The following MAST2 variants were observed in gnomAD, a reference collection of about 807,000 sequenced individuals.
The protein encoded by MAST2 is microtubule associated serine/threonine kinase 2, also known as microtubule-associated serine/threonine-protein kinase 2.
MAST2 carries 70 observed loss-of-function variants against 147.4 expected under a neutral mutation model. The observed-to-expected ratio is 0.47, with a 90% CI of 0.39 to 0.58. MAST2 has a LOEUF of 0.58. Ranked by LOEUF, MAST2 falls within the 20% of genes least tolerant of loss-of-function variation. MAST2 has a pLI of 0.00. For synonymous variants in MAST2, 869 were observed against 896.8 expected, an observed-to-expected ratio of 0.97 and a Z score of 0.55; for missense variants, 2,080 against 2,302.3, an observed-to-expected ratio of 0.90 and a Z score of 1.98.
intron 4 of MAST2, among the ~76,000 whole-genome samples, chr1:45,958,982 A>G (rs550104143): frequency 5.9e-5 from 9 of 152,326 alleles, no homozygotes; most frequent in African/African-American, 2.2e-4. Context: ...TCATAGATTA[A>G]TAGTTTTGGG....
intron 5 of MAST2, 64 bp downstream of exon 5, chr1:45,959,541 C>T: frequency 7.4e-7 from 1 of 1,349,054 alleles, no homozygotes; most frequent in Non-Finnish European, 1.1e-6. Flanking sequence ...AATTTCTTTC[C>T]TACTTCTCAT....
chr1:45,933,734 A>G (rs1054588063), intron 4 of MAST2, among the ~76,000 whole-genome samples: 11 of 152,138 alleles, frequency 7.2e-5, no homozygotes, highest in African/African-American at 2.2e-4. Flanking sequence ...AGCCTGGGCA[A>G]CAAGAGCAAA....
At chr1:45,867,890 G>A (rs1646223381) in intron 3 of MAST2, among the ~76,000 whole-genome samples, 2 of 152,202 alleles carry the variant, frequency 1.3e-5, no homozygotes, top group African/African-American at 4.8e-5. Context: ...GGGTTTCAGA[G>A]TTGGGTAGTC....
intron 5 of MAST2, among the ~76,000 whole-genome samples, chr1:45,984,080 A>G (rs1644518569): frequency 1.3e-5 from 2 of 152,224 alleles, no homozygotes; most frequent in African/African-American, 4.8e-5. Flanking sequence ...CTAATCTTCC[A>G]AAAGAAAGGT....
chr1:46,016,367 A>G (rs528385832), intron 10 of MAST2, among the ~76,000 whole-genome samples: 39 of 152,184 alleles, frequency 2.6e-4, no homozygotes, highest in African/African-American at 8.2e-4. Context: ...AGGGTATTCA[A>G]TTAGGAAAAG....
At chr1:45,915,615 C>T (rs1302764586) in intron 4 of MAST2, among the ~76,000 whole-genome samples, 1 of 150,776 alleles carries the variant, frequency 6.6e-6, no homozygotes, top group African/African-American at 2.4e-5. Context: ...GAGGCTGAGG[C>T]AGGAGAATGG....
intron 3 of MAST2, chr1:45,847,609 A>C (rs1645482244): frequency 1.3e-6 from 1 of 744,252 alleles, no homozygotes; most frequent in Admixed American, 2.6e-5. Flanking sequence ...CTTTAGGTAT[A>C]GTGACGTCCT....
intron 3 of MAST2, among the ~76,000 whole-genome samples, chr1:45,868,828 T>C (rs572438059): frequency 2.9e-4 from 44 of 152,316 alleles, no homozygotes; most frequent in African/African-American, 1.0e-3. Flanking sequence ...TTAAAAAGGC[T>C]GATGACATGG....
At position 46,027,767 on chromosome 1, in the gene MAST2, G is replaced by A. The variant is rs752428232; in HGVS notation, c.1956G>A (p.Thr652=). ...LITSMGHIKL[T]DFGLSKIGLM... The stretch of plus-strand genomic sequence containing the variant: ...CATCCATGGGGCACATCAAGCTCAC[G>A]GACTTTGGACTGTCCAAAATTGGCC... Residue 652 remains threonine, a synonymous_variant, in exon 17 of 29, where the codon ACG becomes ACA. Coordinates refer to ENST00000361297, the MANE Select transcript of MAST2 (RefSeq NM_015112.3). The A allele has an allele frequency of 5.6e-6, 9 of 1,613,638 alleles. No individual in the cohort carries two copies. The African/African-American group carries it at 8.0e-5, about 14-fold the overall frequency.
chr1:46,028,410 A>C (rs1237739787), intron 17 of MAST2, among the ~76,000 whole-genome samples: 4 of 152,090 alleles, frequency 2.6e-5, no homozygotes, highest in East Asian at 3.9e-4. Flanking sequence ...CTGGTTTGAC[A>C]TTTCAGGTTG....
Position 46,034,772 on chromosome 1 carries a change from G to A in MAST2, c.4103G>A (p.Gly1368Asp), listed in dbSNP as rs372563937. 2 of 1,613,820 alleles carry A rather than the reference G, an allele frequency of 1.2e-6. No homozygotes were observed. The highest frequency in any genetic ancestry group is 1.3e-5 in the African/African-American group (1 of 74,918). Reference protein sequence around the residue: ...SPQRSPSPLSGHVAQAFPTKL... With the variant: ...SPQRSPSPLSDHVAQAFPTKL... ...CAGCGGTCCCCATCGCCCCTGTCTGGCCATGTAGCCCAGGCCTTTCCCACA... is the reference window on the plus strand; with the variant it reads ...CAGCGGTCCCCATCGCCCCTGTCTGACCATGTAGCCCAGGCCTTTCCCACA... The change falls in exon 29 of 29, where the codon GGC becomes GAC. Residue 1368 changes from glycine to aspartate, a missense_variant. Coordinates refer to ENST00000361297, the MANE Select transcript of MAST2 (RefSeq NM_015112.3).
intron 3 of MAST2, among the ~76,000 whole-genome samples, chr1:45,846,012 G>A (rs986372293): frequency 1.3e-5 from 2 of 152,070 alleles, no homozygotes; most frequent in South Asian, 2.1e-4. Context: ...TGCCCGCCTC[G>A]GCCTCCCAAA....
Position 46,023,391 on chromosome 1 carries a change from A to G in MAST2, c.1571+73A>G, listed in dbSNP as rs1646270655. 8 of 1,395,802 alleles carry G rather than the reference A, an allele frequency of 5.7e-6. No individual in the cohort carries two copies. The highest frequency in any genetic ancestry group is 8.1e-6 in the Non-Finnish European group (8 of 983,058). The allele number at this position is 1,395,802 out of a possible 1,614,324, so 86.5% of individuals were successfully genotyped here. ...TTTGATCTCTTCCATGTGAGAGTGT[A>G]TGCTGCCCAGTCCTCTGGGCAGATG... On this transcript the variant is annotated intron_variant, in intron 14 of 28. Coordinates refer to ENST00000361297, the MANE Select transcript of MAST2 (RefSeq NM_015112.3). The surrounding 1 kb of genome is among the most constrained non-coding windows in gnomAD (Gnocchi z 4.9).
intron 4 of MAST2, among the ~76,000 whole-genome samples, chr1:45,891,631 CT>C (rs1276559343): frequency 1.3e-5 from 2 of 151,844 alleles, no homozygotes; most frequent in Admixed American, 6.6e-5. Context: ...ATCTAGTAAC[CT>C]TTTTTTCTTT....
intron 4 of MAST2, chr1:45,913,716 T>A: frequency 9.9e-7 from 1 of 1,011,724 alleles, no homozygotes. Context: ...ATTTTTGCCG[T>A]AAGTTTGGGA....
At chr1:46,010,966 A>T (rs1645690321) in intron 10 of MAST2, 27 bp downstream of exon 10, 1 of 1,585,680 alleles carries the variant, frequency 6.3e-7, no homozygotes, top group African/African-American at 1.3e-5. Context: ...TGGGGTTCTG[A>T]AAAAACCTCC....
chr1:45,897,036 C>T (rs1648851462), intron 4 of MAST2, among the ~76,000 whole-genome samples: 1 of 152,196 alleles, frequency 6.6e-6, no homozygotes, highest in Non-Finnish European at 1.5e-5. Flanking sequence ...GTTAACATAA[C>T]ATTGAATTTT....
At chr1:45,864,377 C>T (rs1646075739) in intron 3 of MAST2, among the ~76,000 whole-genome samples, 1 of 152,124 alleles carries the variant, frequency 6.6e-6, no homozygotes, top group South Asian at 2.1e-4. Context: ...CCGACCTTAG[C>T]AATGATCTAG....
intron 4 of MAST2, among the ~76,000 whole-genome samples, chr1:45,912,451 T>C (rs990890287): frequency 1.5e-4 from 23 of 152,380 alleles, no homozygotes; most frequent in Admixed American, 1.4e-3. Flanking sequence ...TATGTACTTT[T>C]TGTGTGCAGG....
Sources: gnomAD v4.1 joint callset for allele counts (sites outside exome capture counted in the v4.1 genomes callset) on GRCh38, gnomAD v4.1.1 for gene constraint, Gnocchi (gnomAD v3.1) non-coding constraint, MANE v1.5 for transcripts, NCBI Gene and HGNC (gene_info 2026-07-23, HGNC 2026-07-21) for gene names.